The following PRELID2 variants were observed in gnomAD, a reference collection of about 807,000 sequenced individuals.
PRELID2 encodes the protein PRELI domain containing 2.
Under a neutral mutation model 28.4 loss-of-function variants are expected in PRELID2, and 25 were observed. The observed-to-expected ratio is 0.88, with a 90% CI of 0.64 to 1.23. The LOEUF (loss-of-function observed/expected upper bound fraction) is 1.23, where lower values mean the gene tolerates loss of function less well. Among genes scored for constraint, PRELID2 ranks in the 50% most tolerant of loss-of-function variants. The pLI, the probability that PRELID2 is intolerant of heterozygous loss-of-function variation, is 0.00. For missense variants in PRELID2, 201 were observed against 214.4 expected (o/e 0.94, Z 0.39); for synonymous variants, 76 against 71.6 (o/e 1.06, Z -0.31).
At chr5:145,240,786 G>A in the PRELID2 span, among the ~76,000 whole-genome samples, 1 of 151,930 alleles carries the variant, frequency 6.6e-6, no homozygotes, top group South Asian at 2.1e-4. Context: ...TAGGTGTTAT[G>A]ATCTTATAAG....
At chr5:145,437,438 G>A in the PRELID2 span, among the ~76,000 whole-genome samples, 1 of 152,120 alleles carries the variant, frequency 6.6e-6, no homozygotes, top group African/African-American at 2.4e-5. Flanking sequence ...AAGAATGCTG[G>A]AAATCTGAGT....
chr5:145,671,482 TGAC>T (rs1754705613), intron 1 of PRELID2, among the ~76,000 whole-genome samples: 1 of 152,186 alleles, frequency 6.6e-6, no homozygotes, highest in South Asian at 2.1e-4. Context: ...CACTTAGTTT[TGAC>T]AACAAAGAGC....
At chr5:145,533,067 GA>G (rs939750452) in intron 1 of PRELID2, among the ~76,000 whole-genome samples, 1 of 152,002 alleles carries the variant, frequency 6.6e-6, no homozygotes, top group African/African-American at 2.4e-5. Context: ...TGTACTGTTA[GA>G]ATGGCTCTTA....
chr5:145,569,860 T>C (rs1753002057), intron 1 of PRELID2, among the ~76,000 whole-genome samples: 1 of 152,186 alleles, frequency 6.6e-6, no homozygotes, highest in Non-Finnish European at 1.5e-5. Flanking sequence ...ATTTTGTAAG[T>C]CTTTGCTCAG....
the PRELID2 span, among the ~76,000 whole-genome samples, chr5:145,421,082 C>A: frequency 6.6e-6 from 1 of 151,430 alleles, no homozygotes; most frequent in Middle Eastern, 3.4e-3. Context: ...AGGGATGAAG[C>A]CCACTTGATC....
At chr5:145,416,415 A>G in the PRELID2 span, among the ~76,000 whole-genome samples, 3 of 152,192 alleles carry the variant, frequency 2.0e-5, no homozygotes, top group African/African-American at 7.2e-5. Flanking sequence ...AAATTGACAA[A>G]TGGGATCTAA....
chr5:145,443,118 A>C, the PRELID2 span, among the ~76,000 whole-genome samples: 1 of 152,046 alleles, frequency 6.6e-6, no homozygotes, highest in African/African-American at 2.4e-5. Flanking sequence ...CTGCACATCC[A>C]TTCATAGGCT....
At chr5:145,341,427 C>T in the PRELID2 span, among the ~76,000 whole-genome samples, 1 of 151,970 alleles carries the variant, frequency 6.6e-6, no homozygotes, top group African/African-American at 2.4e-5. Flanking sequence ...GTAATATCAG[C>T]TACTCAGGAG....
chr5:145,327,286 C>A, the PRELID2 span, among the ~76,000 whole-genome samples: 1 of 152,058 alleles, frequency 6.6e-6, no homozygotes, highest in African/African-American at 2.4e-5. Context: ...TTGCTTTGTA[C>A]ATTAAGATGT....
intron 1 of PRELID2, among the ~76,000 whole-genome samples, chr5:145,508,406 AC>A (rs1287375211): frequency 6.6e-6 from 1 of 152,164 alleles, no homozygotes; most frequent in Non-Finnish European, 1.5e-5. Context: ...AGAAGGCTGC[AC>A]AAAAAACTAC....
the PRELID2 span, among the ~76,000 whole-genome samples, chr5:145,250,054 T>C: frequency 2.0e-5 from 3 of 152,102 alleles, no homozygotes; most frequent in Non-Finnish European, 4.4e-5. Context: ...CTTTTCTTTA[T>C]AGATCTAGAA....
chr5:145,540,082 T>G (rs1752733348), intron 1 of PRELID2, among the ~76,000 whole-genome samples: 1 of 151,982 alleles, frequency 6.6e-6, no homozygotes, highest in Non-Finnish European at 1.5e-5. Flanking sequence ...TCTCTTTGAT[T>G]GCACTGTGCA....
At chr5:145,653,657 CA>C (rs1365900808) in intron 1 of PRELID2, among the ~76,000 whole-genome samples, 1 of 152,098 alleles carries the variant, frequency 6.6e-6, no homozygotes, top group Non-Finnish European at 1.5e-5. Flanking sequence ...CCACTGGGTA[CA>C]TAACGAAATG....
At chr5:145,541,829 T>C (rs1273278340) in intron 1 of PRELID2, among the ~76,000 whole-genome samples, 6 of 152,018 alleles carry the variant, frequency 3.9e-5, no homozygotes, top group African/African-American at 1.4e-4. Context: ...TCCATTTTCC[T>C]GTTTATAATT....
chr5:145,602,124 T>G (rs948541559), intron 1 of PRELID2, among the ~76,000 whole-genome samples: 1 of 152,182 alleles, frequency 6.6e-6, no homozygotes, highest in African/African-American at 2.4e-5. Context: ...GGCAAAGATA[T>G]GCAGATTCTG....
intron 4 of PRELID2, among the ~76,000 whole-genome samples, chr5:145,812,174 C>T (rs896909605): frequency 2.0e-5 from 3 of 152,122 alleles, no homozygotes; most frequent in Non-Finnish European, 4.4e-5. Flanking sequence ...AGACAGGTTC[C>T]CTCCTCTACA....
At chr5:145,391,549 T>C in the PRELID2 span, among the ~76,000 whole-genome samples, 1 of 152,146 alleles carries the variant, frequency 6.6e-6, no homozygotes, top group Non-Finnish European at 1.5e-5. Flanking sequence ...AGTTTTATGA[T>C]GGAAGGGGCT....
At chr5:145,343,392 T>C in the PRELID2 span, among the ~76,000 whole-genome samples, 9 of 151,638 alleles carry the variant, frequency 5.9e-5, no homozygotes, top group Non-Finnish European at 1.2e-4. Flanking sequence ...TGTACAAATA[T>C]ATGGGAATTA....
chr5:145,345,862 A>G, the PRELID2 span, among the ~76,000 whole-genome samples: 1 of 148,304 alleles, frequency 6.7e-6, no homozygotes, highest in Non-Finnish European at 1.5e-5. Context: ...ACATTTAGCC[A>G]TTTTACACAC....
Sources: gnomAD v4.1 joint callset for allele counts (sites outside exome capture counted in the v4.1 genomes callset) on GRCh38, gnomAD v4.1.1 for gene constraint, MANE v1.5 for transcripts, NCBI Gene and HGNC (gene_info 2026-07-23, HGNC 2026-07-21) for gene names.